Variants in MMP28 observed in about 807,000 individuals in gnomAD.
MMP28 encodes the protein matrix metallopeptidase 28.
In MMP28, 55 loss-of-function variants were observed where a neutral mutation model predicts 60.5. The ratio of observed to expected loss-of-function variants is 0.91; its 90% CI spans 0.73 to 1.14. MMP28 has a LOEUF of 1.14. MMP28 is among the 50% of genes most tolerant of loss of function. MMP28 has a pLI of 0.00. For missense variants in MMP28, 686 were observed against 738.3 expected (o/e 0.93, Z 0.82); for synonymous variants, 318 against 312.5 (o/e 1.02, Z -0.18).
At chr17:35,779,694 A>G (rs1317238443) in intron 1 of MMP28, among the ~76,000 whole-genome samples, 1 of 152,210 alleles carries the variant, frequency 6.6e-6, no homozygotes, top group Non-Finnish European at 1.5e-5. Flanking sequence ...AATTCCAACT[A>G]GTAAGATACT....
In MMP28 at chr17:35,795,257, CACGGCGT is replaced by C; in HGVS notation, c.111+3_111+9del. The C allele has an allele frequency of 2.1e-6, 3 of 1,404,098 alleles. No individual in the cohort carries two copies. The South Asian group carries it at 4.8e-5, about 22-fold the overall frequency. The allele number at this position is 1,404,098 out of a possible 1,614,324, so 87.0% of individuals were successfully genotyped here. Reference sequence around the variant, plus strand: ...CACGCACCGCTCTCCGCCAGGTACACACGGCGTACCTCCGCCTCCTTGCGCAGCTCCT... The same window carrying C: ...CACGCACCGCTCTCCGCCAGGTACACACCTCCGCCTCCTTGCGCAGCTCCT... On this transcript the variant is annotated splice_donor_5th_base_variant and intron_variant, in intron 1 of 7. Transcript: ENST00000605424.
chr17:35,781,009 C>T (rs1555609242), intron 1 of MMP28, among the ~76,000 whole-genome samples: 7 of 152,082 alleles, frequency 4.6e-5, no homozygotes, highest in Non-Finnish European at 4.4e-5. Context: ...AGAAGCTTGC[C>T]ATGCAATGAG....
chr17:35,766,730 C>A lies in MMP28; in HGVS notation c.1333G>T (p.Gly445Ter). The change falls in exon 8 of 8, where the codon GGA (glycine) becomes TGA (stop). Residue 445 changes from glycine (G) to a stop codon, truncating the protein, a stop_gained. Coordinates refer to ENST00000605424, the MANE Select transcript of MMP28 (RefSeq NM_024302.5). LOFTEE classifies it high-confidence loss of function. The surrounding 1 kb of genome is among the most constrained non-coding windows in gnomAD (Gnocchi z 4.3). ...GARYYVLARG[G>*]LQVEPYYPRS... ...GGGTAGTAGGGCTCCACTTGCAGTC[C>A]CCCTCGGGCCAGCACGTAGTAGCGG... 3 of 1,594,424 alleles carry A rather than the reference C, an allele frequency of 1.9e-6. No homozygotes were observed. The highest frequency in any genetic ancestry group is 2.6e-6 in the Non-Finnish European group (3 of 1,171,290).
At chr17:35,794,919 CG>C (rs1392159164) in intron 1 of MMP28, among the ~76,000 whole-genome samples, 1 of 152,180 alleles carries the variant, frequency 6.6e-6, no homozygotes, top group Non-Finnish European at 1.5e-5. Flanking sequence ...CCACACGGTT[CG>C]GGGGCATCCG....
chr17:35,793,878 A>G (rs1421336419), intron 1 of MMP28, among the ~76,000 whole-genome samples: 1 of 152,194 alleles, frequency 6.6e-6, no homozygotes, highest in Non-Finnish European at 1.5e-5. Flanking sequence ...CAGGCGGATC[A>G]CTTAAGGTCA....
chr17:35,781,613 C>A (rs2086504879), intron 1 of MMP28, among the ~76,000 whole-genome samples: 1 of 152,136 alleles, frequency 6.6e-6, no homozygotes, highest in Admixed American at 6.5e-5. Context: ...CCAGTTCTAC[C>A]CTTTGGGCAG....
chr17:35,766,736 G>T lies in MMP28; in HGVS notation c.1327C>A (p.Arg443=). ...TAGGGCTCCACTTGCAGTCCCCCTCGGGCCAGCACGTAGTAGCGGGCACCC... is the reference window on the plus strand; with the variant it reads ...TAGGGCTCCACTTGCAGTCCCCCTCTGGCCAGCACGTAGTAGCGGGCACCC... ...FKGARYYVLA[R]GGLQVEPYYP... is the part of the protein sequence containing the mutation. Residue 443 remains arginine, a synonymous_variant, in exon 8 of 8, where the codon CGA becomes AGA. Coordinates refer to ENST00000605424, the MANE Select transcript of MMP28 (RefSeq NM_024302.5). The surrounding 1 kb of genome is among the most constrained non-coding windows in gnomAD (Gnocchi z 4.3). 1.3e-6 allele frequency: 2 copies of T among 1,591,646 alleles called. No homozygotes were observed. The highest frequency in any genetic ancestry group is 1.3e-5 in the African/African-American group (1 of 74,610).
downstream of MMP28, among the ~76,000 whole-genome samples, chr17:35,763,297 G>A (rs2085861460): frequency 6.6e-6 from 1 of 151,856 alleles, no homozygotes; most frequent in Non-Finnish European, 1.5e-5. Flanking sequence ...TAATTGTGGA[G>A]ACGGGGTCTC....
intron 1 of MMP28, among the ~76,000 whole-genome samples, chr17:35,783,091 G>A (rs2086553475): frequency 6.6e-6 from 1 of 152,190 alleles, no homozygotes. Context: ...CTCCCAAAGT[G>A]CTGGGACTAC....
Position 35,795,330 on chromosome 17 carries a change from C to G in MMP28, c.48G>C (p.Leu16=). The change falls in exon 1 of 8, where the codon CTG becomes CTC. Residue 16 remains leucine, a synonymous_variant. Transcript: ENST00000605424. ...CGGGCTGGGCGTCCAGGTGGCCCCA[C>G]AGTAGCAGCTGCAGGGCGCGCAGCA... is the stretch of plus-strand genomic sequence containing the variant. ...GLLLRALQLL[L]WGHLDAQPAE... 6.8e-7 allele frequency: 1 copy of G among 1,469,710 alleles called. No individual in the cohort carries two copies. The highest frequency in any genetic ancestry group is 9.0e-7 in the Non-Finnish European group (1 of 1,112,448). The allele number at this position is 1,469,710 out of a possible 1,614,324, so 91.0% of individuals were successfully genotyped here. A position where few individuals can be genotyped will look rare whatever the true frequency, so the allele number is the denominator to read the frequency against.
At chr17:35,770,348 C>A in intron 4 of MMP28, 36 bp from the exon 5 acceptor site, 1 of 1,459,460 alleles carries the variant, frequency 6.9e-7, no homozygotes, top group East Asian at 2.5e-5. Context: ...GGTGCCACGG[C>A]CCACGACGCC....
At chr17:35,787,782 C>T (rs1012370507) in intron 1 of MMP28, among the ~76,000 whole-genome samples, 1 of 151,600 alleles carries the variant, frequency 6.6e-6, no homozygotes, top group African/African-American at 2.4e-5. Flanking sequence ...AGCCACTGCA[C>T]CCAGCCCCTT....
chr17:35,794,741 T>C (rs974945142), intron 1 of MMP28, among the ~76,000 whole-genome samples: 2 of 152,176 alleles, frequency 1.3e-5, no homozygotes, highest in Non-Finnish European at 2.9e-5. Flanking sequence ...GAAGCAACTC[T>C]TGAGAGTATA....
Position 35,773,516 on chromosome 17 carries a change from GACGGGGAAGAC to G in MMP28, c.380-123_380-113del, listed in dbSNP as rs1250397265. On this transcript the variant is annotated intron_variant, in intron 3 of 7. Coordinates refer to ENST00000605424, the MANE Select transcript of MMP28 (RefSeq NM_024302.5). The stretch of plus-strand genomic sequence containing the variant: ...GCCCTCCCCCAGCAGCCCCTCGTCT[GACGGGGAAGAC>G]ACAGTTTTTGCCCTGGGCAGCTCCC... 19 of 938,172 alleles carry G rather than the reference GACGGGGAAGAC, an allele frequency of 2.0e-5. No individual in the cohort carries two copies. The East Asian group carries it at 4.8e-4, about 24-fold the overall frequency. 58.1% of individuals were successfully genotyped at this position (938,172 alleles called of 1,614,324 possible). A position where few individuals can be genotyped will look rare whatever the true frequency, so the allele number is the denominator to read the frequency against.
At position 35,766,295 on chromosome 17, in the gene MMP28, C is replaced by T; in HGVS notation, c.*205G>A. 2 of 1,360,488 alleles carry T rather than the reference C, an allele frequency of 1.5e-6. No homozygotes were observed. The highest frequency in any genetic ancestry group is 1.9e-6 in the Non-Finnish European group (2 of 1,057,518). 84.3% of individuals were successfully genotyped at this position (1,360,488 alleles called of 1,614,324 possible). A position where few individuals can be genotyped will look rare whatever the true frequency, so the allele number is the denominator to read the frequency against. Reference sequence around the variant, plus strand: ...TTTTTGCTTTTCCTAAGATTGATCCCACCCCCACCTCCATGTGGTGGGGAC... The same window carrying T: ...TTTTTGCTTTTCCTAAGATTGATCCTACCCCCACCTCCATGTGGTGGGGAC... On this transcript the variant is annotated 3_prime_UTR_variant, in exon 8 of 8. Coordinates refer to ENST00000605424, the MANE Select transcript of MMP28 (RefSeq NM_024302.5). This position sits in a 1 kb window ranked among gnomAD's most constrained non-coding sequence, Gnocchi z 4.3.
At chr17:35,763,437 GC>G (rs1427138372), downstream of MMP28, among the ~76,000 whole-genome samples, 1 of 125,866 alleles carries the variant, frequency 7.9e-6, no homozygotes, top group Non-Finnish European at 1.6e-5. Context: ...ACCATGCCCA[GC>G]TTTTTTTTTT....
At position 35,785,844 on chromosome 17, in the gene MMP28, G is replaced by T. The variant is rs546538219; in HGVS notation, c.112-6521C>A. ...GACTAGCTGTGTAAGCTAAGACAAAGTTACTTAACCTTTCTGTGCCCCAAT... is the reference window on the plus strand; with the variant it reads ...GACTAGCTGTGTAAGCTAAGACAAATTTACTTAACCTTTCTGTGCCCCAAT... On this transcript the variant is annotated intron_variant, in intron 1 of 7. Coordinates refer to ENST00000605424, the MANE Select transcript of MMP28 (RefSeq NM_024302.5). Among the ~76,000 whole-genome samples, 20 of 152,276 alleles carry T rather than the reference G, an allele frequency of 1.3e-4. No individual in the cohort carries two copies. In the East Asian group the frequency reaches 1.3e-3, roughly 10 times the overall value.
At chr17:35,791,666 G>A (rs1340171208) in intron 1 of MMP28, among the ~76,000 whole-genome samples, 3 of 152,138 alleles carry the variant, frequency 2.0e-5, no homozygotes, top group East Asian at 1.9e-4. Flanking sequence ...CTAAAGCATG[G>A]CATTGCTGGT....
intron 1 of MMP28, among the ~76,000 whole-genome samples, chr17:35,787,717 G>A (rs1224327156): frequency 6.6e-6 from 1 of 152,070 alleles, no homozygotes; most frequent in Non-Finnish European, 1.5e-5. Context: ...TCAAACTCCT[G>A]ACCTCAAGTG....
Sources: allele counts gnomAD v4.1 joint callset (sites outside exome capture counted in the v4.1 genomes callset), GRCh38; gene constraint gnomAD v4.1.1; non-coding constraint Gnocchi (gnomAD v3.1); transcripts MANE v1.5; gene names NCBI Gene and HGNC (gene_info 2026-07-23, HGNC 2026-07-21).